Variants in PRTFDC1 observed in about 807,000 individuals in gnomAD.
PRTFDC1 encodes phosphoribosyltransferase domain-containing protein 1.
PRTFDC1 carries 38 observed loss-of-function variants against 34.6 expected under a neutral mutation model. The ratio of observed to expected loss-of-function variants is 1.10; its 90% CI spans 0.85 to 1.44. The LOEUF (loss-of-function observed/expected upper bound fraction) is 1.44, where lower values mean the gene tolerates loss of function less well. Among genes scored for constraint, PRTFDC1 ranks in the 40% most tolerant of loss-of-function variants. PRTFDC1 has a pLI of 0.00. For synonymous variants in PRTFDC1, 93 were observed against 98.1 expected, an observed-to-expected ratio of 0.95 and a Z score of 0.31; for missense variants, 270 against 283.0, an observed-to-expected ratio of 0.95 and a Z score of 0.33.
At chr10:24,854,626 C>A (rs1847542351) in intron 7 of PRTFDC1, among the ~76,000 whole-genome samples, 1 of 152,072 alleles carries the variant, frequency 6.6e-6, no homozygotes, top group African/African-American at 2.4e-5. Context: ...GCGTGTTTAT[C>A]CTTCTTGGTG....
chr10:24,921,072 A>C (rs1848779766), intron 3 of PRTFDC1, among the ~76,000 whole-genome samples: 1 of 151,560 alleles, frequency 6.6e-6, no homozygotes, highest in Non-Finnish European at 1.5e-5. Context: ...CCCTGCCTAC[A>C]ACACAGCGGT....
At chr10:24,918,227 G>A (rs934508479) in intron 3 of PRTFDC1, among the ~76,000 whole-genome samples, 1 of 151,986 alleles carries the variant, frequency 6.6e-6, no homozygotes, top group African/African-American at 2.4e-5. Flanking sequence ...TTCATTGCAG[G>A]CACTTGGGTC....
intron 3 of PRTFDC1, among the ~76,000 whole-genome samples, chr10:24,879,530 G>A (rs563880432): frequency 5.1e-4 from 78 of 151,692 alleles, no homozygotes; most frequent in African/African-American, 1.7e-3. Flanking sequence ...ATTTTTAGTA[G>A]AGAGATAGGG....
At position 24,929,052 on chromosome 10, in the gene PRTFDC1, A is replaced by AAAAAAAAAGAAAG. The variant is rs1554765607; in HGVS notation, c.339+8131_339+8132insCTTTCTTTTTTTT. On this transcript the variant is annotated intron_variant, in intron 3 of 8. Coordinates refer to ENST00000320152, the MANE Select transcript of PRTFDC1 (RefSeq NM_020200.7). The stretch of plus-strand genomic sequence containing the variant: ...GCAGACTCCGTCTCAAAAAAAAAAA[A>AAAAAAAAAGAAAG]AAAGAAAGAAAGAAAGAAAGAAAGG... Among the ~76,000 whole-genome samples, 48 of 116,536 alleles carry AAAAAAAAAGAAAG rather than the reference A, an allele frequency of 4.1e-4. 1 individual carries two copies. Among genetic ancestry groups the AAAAAAAAAGAAAG allele is most frequent in the African/African-American group, 1.6e-3 (48 of 29,810 alleles). The allele number at this position is 116,536 out of a possible 152,430, so 76.5% of individuals were successfully genotyped here. A position where few individuals can be genotyped will look rare whatever the true frequency, so the allele number is the denominator to read the frequency against.
chr10:24,910,096 G>C (rs1848605136), intron 3 of PRTFDC1, among the ~76,000 whole-genome samples: 1 of 152,124 alleles, frequency 6.6e-6, no homozygotes, highest in South Asian at 2.1e-4. Flanking sequence ...AGGAGGCAGA[G>C]GTTGCTGCGA....
intron 3 of PRTFDC1, among the ~76,000 whole-genome samples, chr10:24,918,189 C>A (rs1848726240): frequency 1.3e-5 from 2 of 152,098 alleles, no homozygotes; most frequent in Admixed American, 6.5e-5. Context: ...CTCAAGGCCT[C>A]ATTTAACTGG....
intron 3 of PRTFDC1, 33 bp downstream of exon 3, chr10:24,937,151 A>G (rs773730645): frequency 2.6e-6 from 4 of 1,530,406 alleles, no homozygotes; most frequent in Admixed American, 1.8e-5. Context: ...TTGTTAAATG[A>G]AATGTCATAA....
chr10:24,934,514 C>T (rs905900311), intron 3 of PRTFDC1, among the ~76,000 whole-genome samples: 1 of 152,204 alleles, frequency 6.6e-6, no homozygotes, highest in Non-Finnish European at 1.5e-5. Flanking sequence ...ACAATCTATT[C>T]TCTCTGAAGC....
chr10:24,908,768 G>A (rs772710760), intron 3 of PRTFDC1: 12 of 1,455,232 alleles, frequency 8.2e-6, no homozygotes, highest in African/African-American at 2.8e-5. Flanking sequence ...CAACCCTAGC[G>A]ATCAATGGGG....
At chr10:24,923,539 T>C (rs573900221) in intron 3 of PRTFDC1, among the ~76,000 whole-genome samples, 44 of 152,176 alleles carry the variant, frequency 2.9e-4, no homozygotes, top group Admixed American at 2.6e-3. Context: ...TCCAGCAAAC[T>C]AAACAGACCC....
intron 3 of PRTFDC1, among the ~76,000 whole-genome samples, chr10:24,895,061 C>T (rs1423564695): frequency 6.6e-6 from 1 of 152,116 alleles, no homozygotes; most frequent in Admixed American, 6.5e-5. Context: ...TCGTACCAGT[C>T]AATGTCTCCT....
chr10:24,893,158 GA>G (rs1848293607), intron 3 of PRTFDC1, among the ~76,000 whole-genome samples: 1 of 152,140 alleles, frequency 6.6e-6, no homozygotes, highest in Non-Finnish European at 1.5e-5. Flanking sequence ...AATTTAAGAG[GA>G]AGGTATCCAA....
chr10:24,873,317 C>T (rs1847908286), intron 3 of PRTFDC1, among the ~76,000 whole-genome samples: 1 of 152,110 alleles, frequency 6.6e-6, no homozygotes, highest in African/African-American at 2.4e-5. Flanking sequence ...GAAACAGAAC[C>T]AGCCACTTGT....
intron 3 of PRTFDC1, among the ~76,000 whole-genome samples, chr10:24,898,526 G>A (rs1416193962): frequency 6.7e-6 from 1 of 150,322 alleles, no homozygotes; most frequent in Non-Finnish European, 1.5e-5. Context: ...CAGTTCAAGT[G>A]ACAGTGGCAC....
chr10:24,951,279 C>T (rs1849339159), intron 1 of PRTFDC1, among the ~76,000 whole-genome samples: 1 of 152,098 alleles, frequency 6.6e-6, no homozygotes, highest in African/African-American at 2.4e-5. Flanking sequence ...TTGCACATAT[C>T]TCTATTTGAA....
intron 3 of PRTFDC1, among the ~76,000 whole-genome samples, chr10:24,877,556 A>G (rs1847988601): frequency 6.6e-6 from 1 of 152,208 alleles, no homozygotes; most frequent in Non-Finnish European, 1.5e-5. Context: ...TCTATGCACT[A>G]GAAGATTCTG....
At chr10:24,867,227 A>G (rs1250586521) in intron 4 of PRTFDC1, among the ~76,000 whole-genome samples, 1 of 150,574 alleles carries the variant, frequency 6.6e-6, no homozygotes, top group African/African-American at 2.5e-5. Context: ...ACACAAATTT[A>G]ATTTTAAAAA....
chr10:24,901,910 C>T (rs910863877), intron 3 of PRTFDC1, among the ~76,000 whole-genome samples: 2 of 152,220 alleles, frequency 1.3e-5, no homozygotes, highest in African/African-American at 4.8e-5. Context: ...CACAGATGGT[C>T]TAAATGCACG....
intron 3 of PRTFDC1, among the ~76,000 whole-genome samples, chr10:24,914,390 G>T (rs1848665925): frequency 6.6e-6 from 1 of 152,262 alleles, no homozygotes; most frequent in African/African-American, 2.4e-5. Flanking sequence ...GAACTAGGGA[G>T]AATAAAGCCA....
Sources: allele counts gnomAD v4.1 joint callset (sites outside exome capture counted in the v4.1 genomes callset), GRCh38; gene constraint gnomAD v4.1.1; transcripts MANE v1.5; gene names NCBI Gene and HGNC (gene_info 2026-07-23, HGNC 2026-07-21).